SLC25A48: variants seen among roughly 807,000 people sequenced by gnomAD.
The protein encoded by SLC25A48 is CTC-321K16.1.
A neutral mutation model predicts 32.2 loss-of-function variants in SLC25A48; 29 were observed. The ratio of observed to expected loss-of-function variants is 0.90; its 90% CI spans 0.67 to 1.23. SLC25A48 has a LOEUF of 1.23. Among genes scored for constraint, SLC25A48 ranks in the 50% most tolerant of loss-of-function variants. The pLI is 0.00. For synonymous variants in SLC25A48, 164 were observed against 172.3 expected (o/e 0.95, Z 0.38); for missense variants, 399 against 422.7 (o/e 0.94, Z 0.49).
chr5:135,784,911 A>T lies in SLC25A48; in HGVS notation c.-520-27612A>T, dbSNP rs189350103. 1.2e-3 allele frequency among the ~76,000 whole-genome samples: 144 copies of T among 119,124 alleles called. 21 individuals carry two copies. The highest frequency in any genetic ancestry group is 3.4e-3 in the African/African-American group (134 of 39,084). The allele number at this position is 119,124 out of a possible 152,430, so 78.1% of individuals were successfully genotyped here. Reference sequence around the variant, plus strand: ...TGATATTACAAGCAATATTACAAGGAATGTACACACCCCCATGTGACATTA... The same window carrying T: ...TGATATTACAAGCAATATTACAAGGTATGTACACACCCCCATGTGACATTA... On this transcript the variant is annotated intron_variant, in intron 3 of 10. Transcript: ENST00000646290.
chr5:135,590,367 A>C (rs894485620), intron 1 of SLC25A48, among the ~76,000 whole-genome samples: 14 of 152,144 alleles, frequency 9.2e-5, no homozygotes, highest in South Asian at 2.1e-4. Flanking sequence ...CCTTTCCCAC[A>C]CCATCCCTGC....
intron 3 of SLC25A48, among the ~76,000 whole-genome samples, chr5:135,743,985 CCAAA>C (rs1289656281): frequency 4.6e-5 from 7 of 152,174 alleles, no homozygotes; most frequent in Non-Finnish European, 8.8e-5. Context: ...TTCTCACATG[CCAAA>C]CAAAGACAGG....
intron 3 of SLC25A48, among the ~76,000 whole-genome samples, chr5:135,760,720 G>T (rs1756042702): frequency 6.6e-6 from 1 of 152,118 alleles, no homozygotes; most frequent in Non-Finnish European, 1.5e-5. Flanking sequence ...TGGGGCTTTT[G>T]CCTGATTTTC....
At chr5:135,668,366 G>T (rs1034868410) in intron 3 of SLC25A48, among the ~76,000 whole-genome samples, 1 of 152,212 alleles carries the variant, frequency 6.6e-6, no homozygotes, top group Non-Finnish European at 1.5e-5. Flanking sequence ...GAGTGAAGTT[G>T]AAATAGTAGT....
intron 3 of SLC25A48, chr5:135,649,502 A>C (rs1753052541): frequency 6.6e-6 from 1 of 152,542 alleles, no homozygotes; most frequent in Admixed American, 6.5e-5. Context: ...AAGGGGTAAC[A>C]AATAGCAGAC....
At chr5:135,634,096 C>T (rs1374064681) in intron 2 of SLC25A48, among the ~76,000 whole-genome samples, 2 of 152,176 alleles carry the variant, frequency 1.3e-5, no homozygotes, top group Non-Finnish European at 2.9e-5. Flanking sequence ...TATCTCTCAC[C>T]AGTCCTATTT....
At chr5:135,609,392 A>G (rs7715094) in intron 1 of SLC25A48, 75,192 of 152,076 alleles carry the variant, frequency 0.49, 19,074 homozygotes, top group African/African-American at 0.62. Context: ...GAGATTAATG[A>G]TGAACGACTA....
intron 2 of SLC25A48, among the ~76,000 whole-genome samples, chr5:135,633,452 TC>T (rs1288602640): frequency 6.6e-6 from 1 of 151,666 alleles, no homozygotes; most frequent in Non-Finnish European, 1.5e-5. Flanking sequence ...GATCTCCCTC[TC>T]CCCTGACTCT....
chr5:135,784,168 C>A lies in SLC25A48; in HGVS notation c.-520-28355C>A, dbSNP rs141103238. Reference sequence around the variant, plus strand: ...TCCAGGGAAAAAGGGGACGACATTACTTTCAATATTGCAATAAGCGTACAC... The same window carrying A: ...TCCAGGGAAAAAGGGGACGACATTAATTTCAATATTGCAATAAGCGTACAC... On this transcript the variant is annotated intron_variant, in intron 3 of 10. Transcript: ENST00000646290. 4.9e-3 allele frequency among the ~76,000 whole-genome samples: 566 copies of A among 116,260 alleles called. 73 individuals carry two copies. Among genetic ancestry groups the A allele is most frequent in the African/African-American group, 0.014 (531 of 38,350 alleles). 76.3% of individuals were successfully genotyped at this position (116,260 alleles called of 152,430 possible).
At chr5:135,776,252 T>C (rs1382343827) in intron 3 of SLC25A48, among the ~76,000 whole-genome samples, 1 of 140,134 alleles carries the variant, frequency 7.1e-6, no homozygotes, top group Non-Finnish European at 1.5e-5. Flanking sequence ...CCAGAGGATA[T>C]TGTTCCTCAT....
chr5:135,585,177 C>A (rs1053138668), intron 1 of SLC25A48, among the ~76,000 whole-genome samples: 3 of 152,184 alleles, frequency 2.0e-5, no homozygotes, highest in African/African-American at 7.2e-5. Context: ...CACAGGGGAA[C>A]AAGCAGCCCC....
At chr5:135,661,994 A>G (rs1448502095) in intron 3 of SLC25A48, among the ~76,000 whole-genome samples, 1 of 152,160 alleles carries the variant, frequency 6.6e-6, no homozygotes, top group South Asian at 2.1e-4. Context: ...ATGCATATTC[A>G]TTTTTGATAG....
At chr5:135,745,368 C>T (rs780401876) in intron 3 of SLC25A48, among the ~76,000 whole-genome samples, 3 of 152,190 alleles carry the variant, frequency 2.0e-5, no homozygotes, top group East Asian at 1.9e-4. Context: ...GGGTGGGCCA[C>T]GTGTTCCTTG....
At chr5:135,707,715 C>G (rs1358245469) in intron 3 of SLC25A48, among the ~76,000 whole-genome samples, 1 of 152,224 alleles carries the variant, frequency 6.6e-6, no homozygotes, top group Non-Finnish European at 1.5e-5. Flanking sequence ...CTTTCCTACC[C>G]TCCTGTTTAT....
Position 135,782,165 on chromosome 5 carries a change from C to T in SLC25A48, c.-520-30358C>T, listed in dbSNP as rs761500204. ...TGTTCCTAATATCAAGGAGGGGAGACGATATTATTCCCAATATCGCAGGAA... is the reference window on the plus strand; with the variant it reads ...TGTTCCTAATATCAAGGAGGGGAGATGATATTATTCCCAATATCGCAGGAA... On this transcript the variant is annotated intron_variant, in intron 3 of 10. Transcript: ENST00000646290. 4.4e-5 allele frequency among the ~76,000 whole-genome samples: 5 copies of T among 114,792 alleles called. 2 individuals are homozygous for T. The highest frequency in any genetic ancestry group is 1.1e-4 in the Non-Finnish European group (5 of 46,394). 75.3% of individuals were successfully genotyped at this position (114,792 alleles called of 152,430 possible). A position where few individuals can be genotyped will look rare whatever the true frequency, so the allele number is the denominator to read the frequency against.
At position 135,861,311 on chromosome 5, in the gene SLC25A48, A is replaced by ACG. The variant is rs148268815; in HGVS notation, c.421+8492_421+8493dup. Among the ~76,000 whole-genome samples, 592 of 128,852 alleles carry ACG rather than the reference A, an allele frequency of 4.6e-3. 7 individuals are homozygous for ACG. Among genetic ancestry groups the ACG allele is most frequent in the South Asian group, 7.7e-3 (33 of 4,272 alleles). The allele number at this position is 128,852 out of a possible 152,430, so 84.5% of individuals were successfully genotyped here. A position where few individuals can be genotyped will look rare whatever the true frequency, so the allele number is the denominator to read the frequency against. On this transcript the variant is annotated intron_variant, in intron 4 of 7. Coordinates refer to ENST00000681962, the MANE Select transcript of SLC25A48 (RefSeq NM_001349336.2). ...ATGTGCACTAGTCCATCAAATACAC[A>ACG]CGCACACACACACACACACACACAC...
intron 1 of SLC25A48, 82 bp downstream of exon 1, chr5:135,834,975 T>G: frequency 6.7e-7 from 1 of 1,482,572 alleles, no homozygotes. Flanking sequence ...AAACTTTGCC[T>G]CTGTGCGCTG....
intron 1 of SLC25A48, among the ~76,000 whole-genome samples, chr5:135,614,485 C>T (rs1289424791): frequency 2.6e-5 from 4 of 152,108 alleles, no homozygotes; most frequent in Admixed American, 2.0e-4. Flanking sequence ...GCATCCTTGT[C>T]CTTCCCCCAA....
chr5:135,836,371 T>C (rs376893931), intron 1 of SLC25A48, among the ~76,000 whole-genome samples: 1 of 143,294 alleles, frequency 7.0e-6, no homozygotes, highest in Non-Finnish European at 1.5e-5. Flanking sequence ...TTTTTTTTTT[T>C]GGCTTCCATG....
Sources: allele counts gnomAD v4.1 joint callset (sites outside exome capture counted in the v4.1 genomes callset), GRCh38; gene constraint gnomAD v4.1.1; transcripts MANE v1.5; gene names NCBI Gene and HGNC (gene_info 2026-07-23, HGNC 2026-07-21).